CBLN2: variants seen among roughly 807,000 people sequenced by gnomAD.
The protein encoded by CBLN2 is cerebellin-2.
A neutral mutation model predicts 15.0 loss-of-function variants in CBLN2; 7 were observed. The observed-to-expected ratio is 0.47, with a 90% CI of 0.27 to 0.88. CBLN2 has a LOEUF of 0.88. CBLN2 is among the 40% of genes least tolerant of loss of function. CBLN2 has a pLI of 0.14. For missense variants in CBLN2, 242 were observed against 304.5 expected, an observed-to-expected ratio of 0.79 and a Z score of 1.53; for synonymous variants, 149 against 135.2, an observed-to-expected ratio of 1.10 and a Z score of -0.71.
intron 1 of CBLN2, among the ~76,000 whole-genome samples, chr18:72,592,114 C>A (rs544904180): frequency 6.6e-6 from 1 of 152,064 alleles, no homozygotes; most frequent in African/African-American, 2.4e-5. Context: ...TATATTCTGA[C>A]AAGTAGTGTA....
At chr18:72,577,240 G>C (rs1464675810) in intron 1 of CBLN2, among the ~76,000 whole-genome samples, 1 of 151,210 alleles carries the variant, frequency 6.6e-6, no homozygotes, top group Non-Finnish European at 1.5e-5. Context: ...GTTATCTGTA[G>C]GGCATTTTTA....
chr18:72,585,888 G>A (rs1324883159), intron 1 of CBLN2, among the ~76,000 whole-genome samples: 5 of 152,242 alleles, frequency 3.3e-5, no homozygotes, highest in Admixed American at 6.5e-5. Flanking sequence ...CCAAGTGTGT[G>A]CCCACATGGC....
chr18:72,541,547 TAGAC>T (rs1459377281), intron 3 of CBLN2, among the ~76,000 whole-genome samples: 1 of 152,196 alleles, frequency 6.6e-6, no homozygotes, highest in Non-Finnish European at 1.5e-5. Context: ...TTAGAAAGCT[TAGAC>T]AGCCTTAAGG....
chr18:72,564,635 A>G lies in CBLN2; in HGVS notation c.16-25863T>C, dbSNP rs141008251. On this transcript the variant is annotated intron_variant, in intron 1 of 2. Coordinates refer to the CBLN2 transcript ENST00000581073. ...AAAAAAGAATGGAAGAAAGAGAAGA[A>G]AATCTACAATATTTATGAGATACCA... Among the ~76,000 whole-genome samples the G allele has an allele frequency of 2.8e-4, 43 of 152,326 alleles. No homozygotes were observed. In the East Asian group the frequency reaches 7.9e-3, roughly 28 times the overall value.
chr18:72,620,798 A>G (rs753304972), intron 1 of CBLN2, among the ~76,000 whole-genome samples: 1 of 152,148 alleles, frequency 6.6e-6, no homozygotes. Flanking sequence ...ACAACTTTTG[A>G]TATTTTGCCT....
chr18:72,564,720 A>G (rs2069283203), intron 1 of CBLN2, among the ~76,000 whole-genome samples: 1 of 152,222 alleles, frequency 6.6e-6, no homozygotes, highest in Non-Finnish European at 1.5e-5. Flanking sequence ...GAAGAAAGGC[A>G]TAGAAACCTT....
chr18:72,582,162 C>T (rs1376670923), intron 1 of CBLN2, among the ~76,000 whole-genome samples: 1 of 152,200 alleles, frequency 6.6e-6, no homozygotes, highest in Non-Finnish European at 1.5e-5. Context: ...TATGGCAGTG[C>T]AAGTCCTCCC....
At chr18:72,547,140 AC>A (rs1284006775), upstream of CBLN2, among the ~76,000 whole-genome samples, 5 of 145,714 alleles carry the variant, frequency 3.4e-5, no homozygotes, top group Non-Finnish European at 7.5e-5. Flanking sequence ...ACACACACAC[AC>A]ACACACAATT....
At chr18:72,588,815 G>A (rs2069459308) in intron 1 of CBLN2, among the ~76,000 whole-genome samples, 1 of 152,196 alleles carries the variant, frequency 6.6e-6, no homozygotes, top group South Asian at 2.1e-4. Flanking sequence ...ATGCAGAGAT[G>A]AAACTATGGA....
intron 1 of CBLN2, among the ~76,000 whole-genome samples, chr18:72,611,794 G>A (rs951385523): frequency 6.6e-6 from 1 of 152,012 alleles, no homozygotes; most frequent in African/African-American, 2.4e-5. Context: ...TGTTTTGGAG[G>A]ACTTAGTCAT....
At chr18:72,596,690 C>T (rs976091315) in intron 1 of CBLN2, among the ~76,000 whole-genome samples, 1 of 152,114 alleles carries the variant, frequency 6.6e-6, no homozygotes, top group African/African-American at 2.4e-5. Flanking sequence ...ACTGGATGTA[C>T]TATTGTAGAA....
At chr18:72,636,317 A>C (rs1048742304) in intron 1 of CBLN2, among the ~76,000 whole-genome samples, 2 of 152,218 alleles carry the variant, frequency 1.3e-5, no homozygotes, top group African/African-American at 4.8e-5. Flanking sequence ...TACAACAAGC[A>C]CAACTGATTA....
chr18:72,629,969 CA>C (rs1470517144), intron 1 of CBLN2, among the ~76,000 whole-genome samples: 1 of 151,852 alleles, frequency 6.6e-6, no homozygotes, highest in Non-Finnish European at 1.5e-5. Context: ...CAAAAGATAC[CA>C]AAGTGGAAGT....
rs143288930 is a variant in CBLN2, at chr18:72,574,016, T to C, written c.16-35244A>G. ...AGTAGCATCTCAAGCTGTTTTAATA[T>C]GTAATTCCCCAAAGGAATGTGAAGT... On this transcript the variant is annotated intron_variant, in intron 1 of 2. Coordinates refer to the CBLN2 transcript ENST00000581073. Among the ~76,000 whole-genome samples, 334 of 152,338 alleles carry C rather than the reference T, an allele frequency of 2.2e-3. 3 individuals carry two copies. Among genetic ancestry groups the C allele is most frequent in the African/African-American group, 7.7e-3 (322 of 41,588 alleles).
chr18:72,610,974 T>C (rs193070704), intron 1 of CBLN2, among the ~76,000 whole-genome samples: 139 of 152,312 alleles, frequency 9.1e-4, no homozygotes, highest in Non-Finnish European at 1.5e-3. Flanking sequence ...CTTCCACTTA[T>C]AAGTGAGAAC....
upstream of CBLN2, among the ~76,000 whole-genome samples, chr18:72,545,491 TG>T (rs1311817349): frequency 1.3e-5 from 2 of 152,256 alleles, no homozygotes. Flanking sequence ...TACTGGCATT[TG>T]CCAGGATGCT....
intron 1 of CBLN2, among the ~76,000 whole-genome samples, chr18:72,628,540 C>A (rs2069755275): frequency 6.6e-6 from 1 of 152,154 alleles, no homozygotes; most frequent in South Asian, 2.1e-4. Context: ...ATACTCCTTC[C>A]CACCTCACAG....
At chr18:72,549,924 T>C (rs955301938) in intron 1 of CBLN2, among the ~76,000 whole-genome samples, 2 of 152,158 alleles carry the variant, frequency 1.3e-5, no homozygotes, top group African/African-American at 4.8e-5. Flanking sequence ...AATGAAACCC[T>C]CTGGCTCCTG....
In CBLN2 at chr18:72,625,818, CTATATATATA is replaced by C. The variant is rs56391046; in HGVS notation, c.15+12497_15+12506del. ...TCTCTCTCTCTCTCTCTCTCTCTCTCTATATATATATATATATATATATATAGTACACACA... is the reference window on the plus strand; with the variant it reads ...TCTCTCTCTCTCTCTCTCTCTCTCTCTATATATATATATATAGTACACACA... On this transcript the variant is annotated intron_variant, in intron 1 of 2. Transcript: ENST00000581073. Among the ~76,000 whole-genome samples the C allele has an allele frequency of 3.3e-3, 190 of 57,392 alleles. 6 individuals are homozygous for C. In the South Asian group the frequency reaches 0.041, roughly 12 times the overall value. The allele number at this position is 57,392 out of a possible 152,430, so 37.7% of individuals were successfully genotyped here. A position where few individuals can be genotyped will look rare whatever the true frequency, so the allele number is the denominator to read the frequency against.
Sources: allele counts gnomAD v4.1 joint callset (sites outside exome capture counted in the v4.1 genomes callset), GRCh38; gene constraint gnomAD v4.1.1; transcripts MANE v1.5; gene names NCBI Gene and HGNC (gene_info 2026-07-23, HGNC 2026-07-21).